The following NFILZ variants were observed in gnomAD, a reference collection of about 807,000 sequenced individuals.
NFILZ encodes the protein NFIL3 like protein.
chr19:8,641,429 C>G (rs1479142596), intron 3 of NFILZ, among the ~76,000 whole-genome samples: 2 of 152,186 alleles, frequency 1.3e-5, no homozygotes, highest in Non-Finnish European at 2.9e-5. Context: ...ACTGCTGGCC[C>G]ATTGCCAAAA....
chr19:8,643,719 C>T lies in NFILZ; in HGVS notation c.-164+7973C>T, dbSNP rs148895813. Reference sequence around the variant, plus strand: ...ATCATTGGCTCTCAGGCTCTCCAACCTTTGAACAATACCATGAATCTTCCT... The same window carrying T: ...ATCATTGGCTCTCAGGCTCTCCAACTTTTGAACAATACCATGAATCTTCCT... On this transcript the variant is annotated intron_variant, in intron 3 of 5. Transcript: ENST00000691075. Among the ~76,000 whole-genome samples, 429 of 152,282 alleles carry T rather than the reference C, an allele frequency of 2.8e-3. 5 individuals are homozygous for T. The Middle Eastern group carries it at 0.065, about 23-fold the overall frequency.
At chr19:8,668,862 T>A (rs2043074407) in intron 3 of NFILZ, among the ~76,000 whole-genome samples, 1 of 152,192 alleles carries the variant, frequency 6.6e-6, no homozygotes. Flanking sequence ...ACAGATACAG[T>A]TGTGTTGGGT....
rs2042999078 is a variant in NFILZ, at chr19:8,656,397, CCCACCTTCTCTCT to C, written c.-163-18153_-163-18141del. Among the ~76,000 whole-genome samples the C allele has an allele frequency of 5.2e-4, 47 of 90,586 alleles. 3 individuals carry two copies. The highest frequency in any genetic ancestry group is 1.7e-3 in the African/African-American group (44 of 26,478). 59.4% of individuals were successfully genotyped at this position (90,586 alleles called of 152,430 possible). On this transcript the variant is annotated intron_variant, in intron 3 of 5. Coordinates refer to ENST00000691075, the MANE Select transcript of NFILZ (RefSeq NM_001378600.1). ...CCCTGAAGCCCACCTTCTCCCGCAG[CCCACCTTCTCTCT>C]GAAACCCACCTCTTTCCGCAGCCCA... is the stretch of plus-strand genomic sequence containing the variant.
chr19:8,674,361 A>T (rs928663503), intron 3 of NFILZ, among the ~76,000 whole-genome samples, 190 bp from the exon 4 acceptor site: 4 of 152,106 alleles, frequency 2.6e-5, no homozygotes, highest in African/African-American at 9.7e-5. Context: ...TTTCCATGAG[A>T]CTGGGAGATT....
intron 3 of NFILZ, among the ~76,000 whole-genome samples, chr19:8,651,943 A>G (rs2042966363): frequency 6.6e-6 from 1 of 152,100 alleles, no homozygotes; most frequent in East Asian, 1.9e-4. Context: ...TGGAGAAACA[A>G]TGGTTTGGAA....
In NFILZ at chr19:8,647,775, ACATGCGCG is replaced by A. The variant is rs2042945617; in HGVS notation, c.-164+12031_-164+12038del. Among the ~76,000 whole-genome samples the A allele has an allele frequency of 2.7e-5, 3 of 109,376 alleles. No homozygotes were observed. The East Asian group carries it at 8.1e-4, about 30-fold the overall frequency. 71.8% of individuals were successfully genotyped at this position (109,376 alleles called of 152,430 possible). On this transcript the variant is annotated intron_variant, in intron 3 of 5. Coordinates refer to ENST00000691075, the MANE Select transcript of NFILZ (RefSeq NM_001378600.1). ...CACACACACACACACACACACGCAC[ACATGCGCG>A]CGCGCGCGCGCGCACACACACACAC...
At chr19:8,667,159 T>C (rs1315472367) in intron 3 of NFILZ, among the ~76,000 whole-genome samples, 1 of 151,900 alleles carries the variant, frequency 6.6e-6, no homozygotes, top group Non-Finnish European at 1.5e-5. Context: ...AGCCTTACAA[T>C]GCAAGGAAAG....
intron 3 of NFILZ, among the ~76,000 whole-genome samples, chr19:8,653,427 G>A (rs1211672367): frequency 7.2e-5 from 11 of 152,084 alleles, no homozygotes; most frequent in Admixed American, 7.2e-4. Flanking sequence ...TATTGCTGAA[G>A]ATGAGTCTAT....
chr19:8,641,175 G>A (rs547783103), intron 3 of NFILZ, among the ~76,000 whole-genome samples: 14 of 151,492 alleles, frequency 9.2e-5, no homozygotes, highest in Non-Finnish European at 1.3e-4. Flanking sequence ...TCAGCCTCCC[G>A]CGTAGCTGGG....
chr19:8,668,390 A>T (rs2043072344), intron 3 of NFILZ, among the ~76,000 whole-genome samples: 3 of 151,626 alleles, frequency 2.0e-5, no homozygotes, highest in Non-Finnish European at 4.4e-5. Context: ...TATACTTTTC[A>T]TATCTGAGCT....
At chr19:8,656,445 CGAAGCCCACCTTCTCTCT>C (rs2043001117) in intron 3 of NFILZ, among the ~76,000 whole-genome samples, 1 of 18,826 alleles carries the variant, frequency 5.3e-5, no homozygotes, top group African/African-American at 1.2e-4. Flanking sequence ...ACCTTCTCCT[CGAAGCCCACCTTCTCTCT>C]GAAGCCCACC....
chr19:8,673,612 C>A (rs1229470391), intron 3 of NFILZ, among the ~76,000 whole-genome samples: 1 of 152,148 alleles, frequency 6.6e-6, no homozygotes, highest in Non-Finnish European at 1.5e-5. Flanking sequence ...CAGAGGGGGT[C>A]CCAGGTATGG....
chr19:8,655,616 G>A (rs1568421160), intron 3 of NFILZ, among the ~76,000 whole-genome samples: 1 of 152,190 alleles, frequency 6.6e-6, no homozygotes. Context: ...CGGGGAGACA[G>A]CGTCCAGAGC....
chr19:8,657,970 G>A (rs567389019), intron 3 of NFILZ, among the ~76,000 whole-genome samples: 7 of 152,164 alleles, frequency 4.6e-5, no homozygotes, highest in Non-Finnish European at 7.3e-5. Context: ...CAGGACTGGC[G>A]GTCTTGGGTG....
chr19:8,658,593 G>C (rs782532103), intron 3 of NFILZ, among the ~76,000 whole-genome samples: 2 of 152,118 alleles, frequency 1.3e-5, no homozygotes, highest in Non-Finnish European at 2.9e-5. Context: ...AGGATTTCTG[G>C]TGTGACCTTA....
At chr19:8,674,153 T>TG (rs2043100883) in intron 3 of NFILZ, among the ~76,000 whole-genome samples, 2 of 152,138 alleles carry the variant, frequency 1.3e-5, no homozygotes, top group South Asian at 4.1e-4. Context: ...TTTTTTATTC[T>TG]CCAAGCCCAA....
intron 3 of NFILZ, among the ~76,000 whole-genome samples, chr19:8,663,429 G>GGGGGCGCTGGTGGT: frequency 6.7e-6 from 1 of 149,774 alleles, no homozygotes; most frequent in African/African-American, 2.5e-5. Context: ...GGAAGGTGGA[G>GGGGGCGCTGGTGGT]GGGGAGCTGG....
At chr19:8,666,281 G>A (rs1392932073) in intron 3 of NFILZ, among the ~76,000 whole-genome samples, 1 of 151,826 alleles carries the variant, frequency 6.6e-6, no homozygotes, top group Non-Finnish European at 1.5e-5. Context: ...GTGCAGTGGT[G>A]CCATCACAGC....
intron 1 of NFILZ, among the ~76,000 whole-genome samples, chr19:8,631,613 G>A (rs931696210): frequency 1.4e-4 from 22 of 152,152 alleles, no homozygotes; most frequent in Non-Finnish European, 2.4e-4. Flanking sequence ...GGAGGCCGCA[G>A]ATTGGCCCTG....
Sources: gnomAD v4.1 joint callset for allele counts (sites outside exome capture counted in the v4.1 genomes callset) on GRCh38, gnomAD v4.1.1 for gene constraint, MANE v1.5 for transcripts, NCBI Gene and HGNC (gene_info 2026-07-23, HGNC 2026-07-21) for gene names.